Variants in AKAP13 observed in about 807,000 individuals in gnomAD.
AKAP13 encodes the protein A-kinase anchor protein 13.
A neutral mutation model predicts 264.5 loss-of-function variants in AKAP13; 80 were observed. The ratio of observed to expected loss-of-function variants is 0.30; its 90% CI spans 0.25 to 0.36. AKAP13 has a LOEUF of 0.36. Ranked by LOEUF, AKAP13 falls within the 10% of genes least tolerant of loss-of-function variation. The pLI is 1.00. For missense variants in AKAP13, 3,712 were observed against 3,435.2 expected (o/e 1.08, Z -2.01); for synonymous variants, 1,380 against 1,250.2 (o/e 1.10, Z -2.19).
intron 1 of AKAP13, among the ~76,000 whole-genome samples, chr15:85,432,528 G>T (rs1226237519): frequency 1.3e-5 from 2 of 152,052 alleles, no homozygotes; most frequent in Non-Finnish European, 2.9e-5. Context: ...TTACTATTCT[G>T]GGAAAGTTTT....
chr15:85,721,292 C>T (rs1223353825), intron 23 of AKAP13, among the ~76,000 whole-genome samples: 2 of 152,192 alleles, frequency 1.3e-5, no homozygotes, highest in African/African-American at 4.8e-5. Flanking sequence ...CTCAGCTCCT[C>T]CATTGGTAAA....
Position 85,741,625 on chromosome 15 carries a change from C to G in AKAP13, c.8058+130C>G, listed in dbSNP as rs545303321. 54 of 1,381,236 alleles carry G rather than the reference C, an allele frequency of 3.9e-5. No individual in the cohort carries two copies. In the East Asian group the frequency reaches 1.4e-3, roughly 36 times the overall value. 85.6% of individuals were successfully genotyped at this position (1,381,236 alleles called of 1,614,324 possible). ...GGCCAGATGCTCATGCCTGTGATCC[C>G]AGCACTTTAGGAGGCTGAGGTGAGA... On this transcript the variant is annotated intron_variant, in intron 35 of 36. Transcript: ENST00000394518.
intron 2 of AKAP13, among the ~76,000 whole-genome samples, chr15:85,519,357 CAG>C (rs769542883): frequency 5.1e-4 from 77 of 152,236 alleles, no homozygotes; most frequent in African/African-American, 1.2e-3. Context: ...AAATGTAAAA[CAG>C]GGGATGGTGG....
At chr15:85,662,306 T>G in intron 12 of AKAP13, 3 of 1,439,120 alleles carry the variant, frequency 2.1e-6, no homozygotes, top group Non-Finnish European at 2.9e-6. Flanking sequence ...AACTATGCCC[T>G]TCGTTTTTAA....
intron 2 of AKAP13, among the ~76,000 whole-genome samples, chr15:85,504,189 G>A (rs1215258201): frequency 2.6e-5 from 4 of 152,134 alleles, no homozygotes; most frequent in African/African-American, 9.7e-5. Context: ...GAGAGCAGAA[G>A]TCAGATCTTC....
intron 5 of AKAP13, among the ~76,000 whole-genome samples, chr15:85,560,031 T>C (rs1477523906): frequency 7.1e-6 from 1 of 141,760 alleles, no homozygotes; most frequent in Non-Finnish European, 1.5e-5. Context: ...GTGAACTAAA[T>C]ATAACTGCAT....
In AKAP13 at chr15:85,721,997, G is replaced by C. The variant is rs780700245; in HGVS notation, c.6259G>C (p.Gly2087Arg). 1.9e-6 allele frequency: 3 copies of C among 1,614,050 alleles called. No individual in the cohort carries two copies. Among genetic ancestry groups the C allele is most frequent in the South Asian group, 1.1e-5 (1 of 91,078 alleles). ...IGDVLVNQFS[G>R]ENAERLKKTY... ...TGTTCTCTTTTCTCTGCAGTTTTCA[G>C]GTGAGAATGCAGAACGTTTAAAGAA... Residue 2087 changes from glycine to arginine, a missense_variant, in exon 24 of 37, where the codon GGT becomes CGT. This residue lies in a region of AKAP13 where 342 missense variants were observed against 484.3 expected (regional missense o/e 0.71). Coordinates refer to ENST00000394518, the MANE Select transcript of AKAP13 (RefSeq NM_007200.5).
intron 8 of AKAP13, among the ~76,000 whole-genome samples, chr15:85,612,274 G>T (rs911555992): frequency 2.6e-5 from 4 of 152,160 alleles, no homozygotes; most frequent in Admixed American, 6.5e-5. Context: ...GACAATACAT[G>T]AAACATTTAT....
In AKAP13 at chr15:85,740,198, G is replaced by A. The variant is rs1597238077; in HGVS notation, c.7558-24G>A. On this transcript the variant is annotated intron_variant, in intron 33 of 36. Transcript: ENST00000394518. ...AGATTCATAAAGCCCTGAAACGAAT[G>A]TTTCCATTTTGTTCCTTTGGCAGCA... 4 of 1,614,042 alleles carry A rather than the reference G, an allele frequency of 2.5e-6. No individual in the cohort carries two copies. The East Asian group carries it at 8.9e-5, about 36-fold the overall frequency.
intron 18 of AKAP13, among the ~76,000 whole-genome samples, chr15:85,709,073 T>A (rs1049551038): frequency 6.6e-6 from 1 of 152,198 alleles, no homozygotes; most frequent in African/African-American, 2.4e-5. Context: ...ACACATATTT[T>A]GTTTGGCTCA....
chr15:85,415,227 A>T, intron 1 of AKAP13: 1 of 1,550,972 alleles, frequency 6.4e-7, no homozygotes, highest in Non-Finnish European at 8.8e-7. Context: ...CGCACCCCTC[A>T]TGGCCACAGT....
At chr15:85,670,594 T>G (rs899075152) in intron 14 of AKAP13, 3 of 151,246 alleles carry the variant, frequency 2.0e-5, no homozygotes, top group African/African-American at 7.3e-5. Flanking sequence ...GAATATACAT[T>G]GAATTAAGTT....
At chr15:85,703,260 A>G (rs2086033723) in intron 17 of AKAP13, among the ~76,000 whole-genome samples, 1 of 152,234 alleles carries the variant, frequency 6.6e-6, no homozygotes, top group Non-Finnish European at 1.5e-5. Flanking sequence ...AAAGGAAGGA[A>G]GTTTATTACT....
chr15:85,651,128 T>C (rs141578781), intron 10 of AKAP13, among the ~76,000 whole-genome samples: 1 of 152,326 alleles, frequency 6.6e-6, no homozygotes, highest in East Asian at 1.9e-4. Context: ...TTTATAATGT[T>C]TATACCTCTG....
intron 8 of AKAP13, among the ~76,000 whole-genome samples, chr15:85,633,646 C>T (rs1035680098): frequency 1.3e-5 from 2 of 150,084 alleles, no homozygotes; most frequent in African/African-American, 4.9e-5. Flanking sequence ...CGGGTTCACG[C>T]CATTCTCCTG....
rs1443736974 is a variant in AKAP13 at position 85,521,565 on chromosome 15, C to A, written c.171C>A (p.Thr57=). ...TRKVSSDTLE[T]IAPGHDCCET... ...AGGTCAGTTCTGATACATTGGAGAC[C>A]ATTGCTCCTGGTAAGTATTTGAATG... Residue 57 remains threonine, a synonymous_variant, in exon 3 of 37, where the codon ACC becomes ACA. Transcript: ENST00000394518. 1.9e-6 allele frequency: 3 copies of A among 1,613,876 alleles called. No individual in the cohort carries two copies. The Middle Eastern group carries it at 5.0e-4, about 266-fold the overall frequency.
At chr15:85,467,226 T>G (rs1316895728) in intron 1 of AKAP13, among the ~76,000 whole-genome samples, 1 of 152,184 alleles carries the variant, frequency 6.6e-6, no homozygotes, top group Non-Finnish European at 1.5e-5. Context: ...TTTTCTACCT[T>G]TATTTGATGT....
chr15:85,613,698 A>ATG, intron 8 of AKAP13, among the ~76,000 whole-genome samples: 1 of 120,914 alleles, frequency 8.3e-6, no homozygotes, highest in Admixed American at 8.4e-5. Flanking sequence ...AAAAATATAT[A>ATG]TATATATATA....
intron 1 of AKAP13, among the ~76,000 whole-genome samples, chr15:85,392,584 T>G (rs184735418): frequency 2.0e-5 from 3 of 152,146 alleles, no homozygotes; most frequent in Non-Finnish European, 2.9e-5. Flanking sequence ...TTCTTTTTTT[T>G]GTTAAGAAAT....
Sources: gnomAD v4.1 joint callset for allele counts (sites outside exome capture counted in the v4.1 genomes callset) on GRCh38, gnomAD v4.1.1 for gene constraint, gnomAD v4.1.1 regional missense constraint, MANE v1.5 for transcripts, NCBI Gene and HGNC (gene_info 2026-07-23, HGNC 2026-07-21) for gene names.